RERE: variants seen among roughly 807,000 people sequenced by gnomAD.
The protein encoded by RERE is arginine-glutamic acid dipeptide repeats protein.
A neutral mutation model predicts 146.1 loss-of-function variants in RERE; 40 were observed. That is an observed-to-expected ratio of 0.27 (90% CI 0.21 to 0.36). RERE has a LOEUF of 0.36. Ranked by LOEUF, RERE falls within the 10% of genes least tolerant of loss-of-function variation. The pLI is 1.00. For synonymous variants in RERE, 1,003 were observed against 866.0 expected (o/e 1.16, Z -2.78); for missense variants, 1,933 against 2,138.7 (o/e 0.90, Z 1.90).
chr1:8,760,174 C>T (rs1481387547), intron 1 of RERE, among the ~76,000 whole-genome samples: 1 of 152,038 alleles, frequency 6.6e-6, no homozygotes, highest in Non-Finnish European at 1.5e-5. Context: ...TACAGGTGCC[C>T]GCCACCGCGC....
chr1:8,364,864 GGTGGGGGA>G lies in RERE; in HGVS notation c.1448-34_1448-27del. On this transcript the variant is annotated intron_variant, in intron 13 of 22. Transcript: ENST00000400908. This position sits in a 1 kb window ranked among gnomAD's most constrained non-coding sequence, Gnocchi z 5.1. ...CTGGGCGTGGCAGGCACATAGTGGGGGTGGGGGAGACACCATCATGCTCAGCCAAGGCT... is the reference window on the plus strand; with the variant it reads ...CTGGGCGTGGCAGGCACATAGTGGGGGACACCATCATGCTCAGCCAAGGCT... 1 of 1,541,082 alleles carries G rather than the reference GGTGGGGGA, an allele frequency of 6.5e-7. No individual in the cohort carries two copies.
At chr1:8,468,272 T>C (rs1434955647) in intron 10 of RERE, among the ~76,000 whole-genome samples, 3 of 152,232 alleles carry the variant, frequency 2.0e-5, no homozygotes, top group Non-Finnish European at 4.4e-5. Context: ...TTTGCAAATG[T>C]TTGAAAACTA....
chr1:8,467,522 C>G (rs1644615649), intron 10 of RERE, among the ~76,000 whole-genome samples: 1 of 152,226 alleles, frequency 6.6e-6, no homozygotes, highest in Non-Finnish European at 1.5e-5. Context: ...ACACAGTAAG[C>G]TGGCAGTGGT....
At chr1:8,795,720 C>T (rs375111839) in intron 1 of RERE, among the ~76,000 whole-genome samples, 2 of 152,252 alleles carry the variant, frequency 1.3e-5, no homozygotes, top group Middle Eastern at 3.4e-3. Flanking sequence ...CAGTGGCTCA[C>T]GCCTGTAATC....
At chr1:8,813,152 G>A (rs1404541481) in intron 1 of RERE, among the ~76,000 whole-genome samples, 6 of 152,112 alleles carry the variant, frequency 3.9e-5, no homozygotes, top group Admixed American at 1.3e-4. Flanking sequence ...AAGAAATCCC[G>A]TAATTAACTA....
chr1:8,657,854 A>G (rs1234063173), intron 1 of RERE, among the ~76,000 whole-genome samples: 2 of 152,232 alleles, frequency 1.3e-5, no homozygotes, highest in African/African-American at 4.8e-5. Context: ...AAAGAAAAGA[A>G]AATGTATTGT....
chr1:8,759,036 G>A (rs143678386), intron 1 of RERE, among the ~76,000 whole-genome samples: 2 of 152,138 alleles, frequency 1.3e-5, no homozygotes, highest in Non-Finnish European at 2.9e-5. Flanking sequence ...CAACTACTCA[G>A]ATGCTGAAGC....
intron 1 of RERE, among the ~76,000 whole-genome samples, chr1:8,746,666 G>GTCATGA (rs773968382): frequency 6.6e-5 from 10 of 151,800 alleles, no homozygotes; most frequent in Non-Finnish European, 1.0e-4. Context: ...TGACATACGA[G>GTCATGA]TCATGATCGT....
At chr1:8,422,411 G>A (rs1643923050) in intron 12 of RERE, among the ~76,000 whole-genome samples, 3 of 152,196 alleles carry the variant, frequency 2.0e-5, no homozygotes, top group Admixed American at 2.0e-4. Context: ...CAGCCACTAT[G>A]TTTAAAATTT....
chr1:8,795,439 A>G (rs1488477405), intron 1 of RERE, among the ~76,000 whole-genome samples: 1 of 152,012 alleles, frequency 6.6e-6, no homozygotes, highest in Non-Finnish European at 1.5e-5. Flanking sequence ...CTGGAACTAT[A>G]GACATGCCAC....
chr1:8,550,014 C>T lies in RERE; in HGVS notation c.725+6461G>A, dbSNP rs949668347. On this transcript the variant is annotated intron_variant, in intron 6 of 22. Transcript: ENST00000400908. ...TAAGATCCTAGAACAACAACGAGGA[C>T]ATTGCTGAAAATCAAAGAGAATCTT... Among the ~76,000 whole-genome samples, 3 of 152,178 alleles carry T rather than the reference C, an allele frequency of 2.0e-5. 1 individual carries two copies. Among genetic ancestry groups the T allele is most frequent in the Non-Finnish European group, 4.4e-5 (3 of 68,032 alleles).
At chr1:8,511,992 T>TCAA (rs1225687755) in intron 7 of RERE, 2 of 139,114 alleles carry the variant, frequency 1.4e-5, no homozygotes, top group Admixed American at 7.4e-5. Flanking sequence ...CATGACAGTA[T>TCAA]CAACAGCTTG....
At position 8,360,840 on chromosome 1, in the gene RERE, T is replaced by A; in HGVS notation, c.2667A>T (p.Pro889=). Reference sequence around the variant, plus strand: ...GGGAGGTGTGAGGGTACGCTGCTGCTGGGGAGGTCCCCAGAGGGGCCTGGC... The same window carrying A: ...GGGAGGTGTGAGGGTACGCTGCTGCAGGGGAGGTCCCCAGAGGGGCCTGGC... ...SQGQAPLGTS[P]AAAYPHTSLQ... is the part of the protein sequence containing the mutation. Residue 889 remains proline (P), a synonymous_variant, in exon 18 of 23, where the codon CCA becomes CCT. Coordinates refer to ENST00000400908, the MANE Select transcript of RERE (RefSeq NM_001042681.2). 6.5e-7 allele frequency: 1 copy of A among 1,541,160 alleles called. No homozygotes were observed. The highest frequency in any genetic ancestry group is 8.7e-7 in the Non-Finnish European group (1 of 1,149,644).
chr1:8,669,257 G>C (rs1016280604), intron 1 of RERE, among the ~76,000 whole-genome samples: 2 of 151,822 alleles, frequency 1.3e-5, no homozygotes, highest in African/African-American at 4.8e-5. Flanking sequence ...TTTGTATTCT[G>C]CAAAGATGGG....
chr1:8,428,894 TCCC>T (rs1402310624), intron 11 of RERE, among the ~76,000 whole-genome samples: 3 of 152,084 alleles, frequency 2.0e-5, no homozygotes, highest in Admixed American at 2.0e-4. Flanking sequence ...CCTGTCATAG[TCCC>T]CCAAGCCTTG....
At chr1:8,803,559 A>T (rs1303787372) in intron 1 of RERE, among the ~76,000 whole-genome samples, 1 of 152,108 alleles carries the variant, frequency 6.6e-6, no homozygotes, top group Admixed American at 6.6e-5. Context: ...CAAGTTACTA[A>T]AGTTTTGAAG....
At chr1:8,797,255 C>T (rs1641493990) in intron 1 of RERE, among the ~76,000 whole-genome samples, 1 of 152,008 alleles carries the variant, frequency 6.6e-6, no homozygotes, top group Non-Finnish European at 1.5e-5. Flanking sequence ...AAACAAATTA[C>T]TGGTATGCTT....
At chr1:8,807,133 C>G (rs1641706785) in intron 1 of RERE, 1 of 152,240 alleles carries the variant, frequency 6.6e-6, no homozygotes, top group Non-Finnish European at 1.5e-5. Flanking sequence ...CTCACTGCAG[C>G]CTTGACCTCC....
chr1:8,388,503 T>A (rs1642763817), intron 12 of RERE, among the ~76,000 whole-genome samples: 1 of 151,918 alleles, frequency 6.6e-6, no homozygotes, highest in Non-Finnish European at 1.5e-5. Context: ...GTATTTTTAG[T>A]AGAGACGGGG....
Sources: allele counts gnomAD v4.1 joint callset (sites outside exome capture counted in the v4.1 genomes callset), GRCh38; gene constraint gnomAD v4.1.1; non-coding constraint Gnocchi (gnomAD v3.1); transcripts MANE v1.5; gene names NCBI Gene and HGNC (gene_info 2026-07-23, HGNC 2026-07-21).